BACH2: variants seen among roughly 807,000 people sequenced by gnomAD.
The protein encoded by BACH2 is BACH transcriptional regulator 2.
A neutral mutation model predicts 61.8 loss-of-function variants in BACH2; 5 were observed. That is an observed-to-expected ratio of 0.08 (90% CI 0.04 to 0.17). BACH2 has a LOEUF of 0.17. Ranked by LOEUF, BACH2 falls within the 10% of genes least tolerant of loss-of-function variation. The pLI, the probability that BACH2 is intolerant of heterozygous loss-of-function variation, is 1.00. For missense variants in BACH2, 824 were observed against 1,091.1 expected, an observed-to-expected ratio of 0.76 and a Z score of 3.45; for synonymous variants, 446 against 440.1, an observed-to-expected ratio of 1.01 and a Z score of -0.17.
chr6:90,091,140 C>T (rs1782142189), intron 4 of BACH2, among the ~76,000 whole-genome samples: 1 of 152,146 alleles, frequency 6.6e-6, no homozygotes, highest in Admixed American at 6.6e-5. Flanking sequence ...AAGATGTATT[C>T]AAGCCTAGTG....
At chr6:89,958,011 C>T (rs1000017691) in intron 6 of BACH2, among the ~76,000 whole-genome samples, 7 of 152,182 alleles carry the variant, frequency 4.6e-5, no homozygotes, top group African/African-American at 9.7e-5. Flanking sequence ...AAAACATAAA[C>T]GGAGTGTCTT....
chr6:90,042,467 T>G (rs1779583489), intron 5 of BACH2, among the ~76,000 whole-genome samples: 1 of 152,062 alleles, frequency 6.6e-6, no homozygotes. Flanking sequence ...CCCAAAGTGC[T>G]GGAATTACAG....
rs1345637842 is a variant in BACH2, at chr6:89,969,695, A to C, written c.244-17833T>G. ...GAAACCAGTGCCCTCCACCCCACCT[A>C]AATGAAACTTCAAATGGGGCTCATA... On this transcript the variant is annotated intron_variant, in intron 6 of 8. Coordinates refer to ENST00000257749, the MANE Select transcript of BACH2 (RefSeq NM_021813.4). 7.2e-5 allele frequency among the ~76,000 whole-genome samples: 11 copies of C among 152,328 alleles called. No individual in the cohort carries two copies. In the East Asian group the frequency reaches 2.1e-3, roughly 29 times the overall value.
chr6:89,938,196 C>T lies in BACH2; in HGVS notation c.1991G>A (p.Arg664His), dbSNP rs1186032886. The change falls in exon 8 of 9, where the codon CGC becomes CAC. Residue 664 changes from arginine to histidine, a missense_variant. Transcript: ENST00000257749. Reference protein sequence around the residue: ...SKNRIAAQRCRKRKLDCIQNL... With the variant: ...SKNRIAAQRCHKRKLDCIQNL... ...CTGAATACAGTCCAGTTTCCTTTTG[C>T]GGCAGCGCTGGGCCGCGATGCGGTT... is the stretch of plus-strand genomic sequence containing the variant. 1 of 1,614,058 alleles carries T rather than the reference C, an allele frequency of 6.2e-7. No individual in the cohort carries two copies.
intron 5 of BACH2, among the ~76,000 whole-genome samples, chr6:90,010,431 G>A (rs1777646820): frequency 6.6e-6 from 1 of 152,096 alleles, no homozygotes; most frequent in Non-Finnish European, 1.5e-5. Context: ...CATATATCAA[G>A]TTTGTTCCTT....
intron 1 of BACH2, among the ~76,000 whole-genome samples, chr6:90,277,842 TA>T (rs1297483647): frequency 6.6e-6 from 1 of 152,164 alleles, no homozygotes; most frequent in African/African-American, 2.4e-5. Flanking sequence ...TCAAATGACA[TA>T]ACACTGAAGG....
chr6:90,287,061 GAC>G (rs1772041793), intron 1 of BACH2, among the ~76,000 whole-genome samples: 1 of 152,190 alleles, frequency 6.6e-6, no homozygotes, highest in Non-Finnish European at 1.5e-5. Context: ...AGTCCTGCAA[GAC>G]AGTTCCACAG....
chr6:90,022,546 T>C (rs1468748925), intron 5 of BACH2, among the ~76,000 whole-genome samples: 3 of 152,226 alleles, frequency 2.0e-5, no homozygotes, highest in African/African-American at 7.2e-5. Context: ...ATCGTGCCAC[T>C]GCACTCCAGC....
At chr6:90,111,772 T>C (rs936111811) in intron 4 of BACH2, among the ~76,000 whole-genome samples, 2 of 152,228 alleles carry the variant, frequency 1.3e-5, no homozygotes, top group African/African-American at 4.8e-5. Flanking sequence ...GACAGCTGGT[T>C]TGTTGTCTGT....
intron 4 of BACH2, among the ~76,000 whole-genome samples, chr6:90,123,748 C>T (rs1218165409): frequency 4.5e-5 from 5 of 111,640 alleles, no homozygotes; most frequent in Non-Finnish European, 8.3e-5. Context: ...CCAGCCTGGG[C>T]GACAGAGCGA....
chr6:90,058,227 C>T (rs913152888), intron 5 of BACH2, among the ~76,000 whole-genome samples: 20 of 152,240 alleles, frequency 1.3e-4, no homozygotes, highest in Admixed American at 2.6e-4. Context: ...GAAAACCCCA[C>T]TGTCTCAGCA....
At chr6:89,974,222 T>G (rs1428429469) in intron 6 of BACH2, among the ~76,000 whole-genome samples, 1 of 152,198 alleles carries the variant, frequency 6.6e-6, no homozygotes, top group Non-Finnish European at 1.5e-5. Context: ...AAGTCCTGGC[T>G]CCTCTGCTTA....
At chr6:90,123,101 G>A (rs867538520) in intron 4 of BACH2, among the ~76,000 whole-genome samples, 44 of 152,200 alleles carry the variant, frequency 2.9e-4, no homozygotes, top group African/African-American at 1.0e-3. Flanking sequence ...ATGTAATTAA[G>A]TTGAGAATCT....
At chr6:89,996,846 T>C (rs1442688860) in intron 6 of BACH2, among the ~76,000 whole-genome samples, 1 of 152,218 alleles carries the variant, frequency 6.6e-6, no homozygotes, top group Non-Finnish European at 1.5e-5. Context: ...TCAACTGTAT[T>C]GTGGGTTCTT....
At chr6:90,205,487 C>A (rs1225636869) in intron 4 of BACH2, among the ~76,000 whole-genome samples, 1 of 152,062 alleles carries the variant, frequency 6.6e-6, no homozygotes, top group Admixed American at 6.6e-5. Flanking sequence ...TTTTGGTTGT[C>A]ACAATTAGAG....
chr6:89,934,286 T>C (rs1349761730), intron 8 of BACH2, among the ~76,000 whole-genome samples: 1 of 152,196 alleles, frequency 6.6e-6, no homozygotes, highest in African/African-American at 2.4e-5. Flanking sequence ...CATGCTCCTG[T>C]GTTACTGAAA....
In BACH2 at chr6:89,950,659, C is replaced by T. The variant is rs141746434; in HGVS notation, c.1447G>A (p.Gly483Ser). 7.5e-5 allele frequency: 121 copies of T among 1,614,150 alleles called. No homozygotes were observed. In the African/African-American group the frequency reaches 1.3e-3, roughly 18 times the overall value. Residue 483 changes from glycine (G) to serine (S), a missense_variant, in exon 7 of 9, where the codon GGT (glycine) becomes AGT (serine). By Grantham distance (56) the Gly-to-Ser change is moderately conservative. This residue lies in a region of BACH2 where 102 missense variants were observed against 98.1 expected (regional missense o/e 1.04). Coordinates refer to ENST00000257749, the MANE Select transcript of BACH2 (RefSeq NM_021813.4). This position sits in a 1 kb window ranked among gnomAD's most constrained non-coding sequence, Gnocchi z 5.3. ...GGCAAGTGGTCGGCCATCAGCCCAC[C>T]GTGGGAGTAGGCCTGCGAGCTGGGG... The part of the protein sequence containing the change: ...SLPSSQAYSH[G>S]GLMADHLPGR...
chr6:90,176,095 C>T (rs373657944), intron 4 of BACH2, among the ~76,000 whole-genome samples: 1 of 152,192 alleles, frequency 6.6e-6, no homozygotes, highest in Non-Finnish European at 1.5e-5. Context: ...TGTGGCCCTG[C>T]GTAGCATGTG....
chr6:89,970,699 G>C (rs188585613), intron 6 of BACH2, among the ~76,000 whole-genome samples: 1,618 of 151,660 alleles, frequency 0.011, 30 homozygotes, highest in African/African-American at 0.037. Context: ...TTTGTTTCTG[G>C]CCCCCCCCAG....
Sources: allele counts gnomAD v4.1 joint callset (sites outside exome capture counted in the v4.1 genomes callset), GRCh38; gene constraint gnomAD v4.1.1; regional missense constraint gnomAD v4.1.1; non-coding constraint Gnocchi (gnomAD v3.1); transcripts MANE v1.5; gene names NCBI Gene and HGNC (gene_info 2026-07-23, HGNC 2026-07-21).